Variants in KANK1 observed in about 807,000 individuals in gnomAD.
The protein encoded by KANK1 is KN motif and ankyrin repeat domains 1, also known as KN motif and ankyrin repeat domain-containing protein 1.
KANK1 carries 109 observed loss-of-function variants against 106.2 expected under a neutral mutation model. The observed-to-expected ratio is 1.03, with a 90% CI of 0.88 to 1.20. KANK1 has a LOEUF of 1.20. Among genes scored for constraint, KANK1 ranks in the 50% most tolerant of loss-of-function variants. KANK1 has a pLI of 0.00. For missense variants in KANK1, 2,399 were observed against 1,710.7 expected (o/e 1.40, Z -7.10); for synonymous variants, 873 against 652.2 (o/e 1.34, Z -5.16).
intron 9 of KANK1, among the ~76,000 whole-genome samples, 191 bp downstream of exon 9, chr9:741,125 A>C (rs949767779): frequency 6.6e-6 from 1 of 152,164 alleles, no homozygotes; most frequent in East Asian, 1.9e-4. Context: ...TATGGGCTTA[A>C]ATTTCACACT....
intron 3 of KANK1, among the ~76,000 whole-genome samples, chr9:476,199 C>T (rs995556793): frequency 4.0e-5 from 6 of 151,652 alleles, no homozygotes; most frequent in Non-Finnish European, 8.8e-5. Context: ...AATGCCTGCT[C>T]CACAGTATTA....
chr9:651,571 C>T (rs1840889300), intron 1 of KANK1, among the ~76,000 whole-genome samples: 2 of 152,184 alleles, frequency 1.3e-5, no homozygotes, highest in African/African-American at 4.8e-5. Context: ...CCACAAGTTA[C>T]CTTGGCTCCA....
At chr9:571,061 C>A (rs1819025413) in intron 1 of KANK1, among the ~76,000 whole-genome samples, 1 of 152,116 alleles carries the variant, frequency 6.6e-6, no homozygotes, top group African/African-American at 2.4e-5. Context: ...AAATTGATTT[C>A]TTGTAAAAAT....
At chr9:596,277 T>C (rs1826182554) in intron 1 of KANK1, among the ~76,000 whole-genome samples, 1 of 151,838 alleles carries the variant, frequency 6.6e-6, no homozygotes, top group Non-Finnish European at 1.5e-5. Flanking sequence ...TTAGTAAATA[T>C]TTTTTGAGTT....
At chr9:720,129 A>G (rs1828911349) in intron 3 of KANK1, among the ~76,000 whole-genome samples, 1 of 152,194 alleles carries the variant, frequency 6.6e-6, no homozygotes, top group Non-Finnish European at 1.5e-5. Flanking sequence ...AGTGATCACT[A>G]ATCTGACCAA....
chr9:647,726 C>T (rs1270904036), intron 1 of KANK1, among the ~76,000 whole-genome samples: 1 of 150,828 alleles, frequency 6.6e-6, no homozygotes, highest in African/African-American at 2.5e-5. Context: ...TACTTGTTAA[C>T]TCAGAACAAC....
intron 2 of KANK1, among the ~76,000 whole-genome samples, chr9:689,092 A>C (rs1233159136): frequency 6.6e-6 from 1 of 152,168 alleles, no homozygotes; most frequent in Non-Finnish European, 1.5e-5. Flanking sequence ...CCCCCAATTC[A>C]TTTGGTATTG....
At position 528,591 on chromosome 9, in the gene KANK1, C is replaced by G. The variant is rs543170406; in HGVS notation, c.-84+23837C>G. 3.5e-5 allele frequency among the ~76,000 whole-genome samples: 5 copies of G among 140,902 alleles called. No individual in the cohort carries two copies. The South Asian group carries it at 1.2e-3, about 34-fold the overall frequency. The allele number at this position is 140,902 out of a possible 152,430, so 92.4% of individuals were successfully genotyped here. A position where few individuals can be genotyped will look rare whatever the true frequency, so the allele number is the denominator to read the frequency against. ...CTGCCTTCTGGGTTGAAGGTTGAAG[C>G]AATTCTCCAGTCTCAGCCTCTCAAG... On this transcript the variant is annotated intron_variant, in intron 1 of 11. Transcript: ENST00000382297.
chr9:561,684 G>C (rs1816479100), intron 1 of KANK1, among the ~76,000 whole-genome samples: 1 of 152,228 alleles, frequency 6.6e-6, no homozygotes, highest in South Asian at 2.1e-4. Flanking sequence ...GTTGTCATAG[G>C]ATTTTGGCAG....
Position 744,592 on chromosome 9 carries a change from C to A in KANK1, c.3996+3C>A. The stretch of plus-strand genomic sequence containing the variant: ...ACTTTGCAAAAGCCCAGTCTCCGGT[C>A]AGTGTTGTGCATTTGGCATTTGTAA... On this transcript the variant is annotated splice_donor_region_variant and intron_variant, in intron 11 of 11. Coordinates refer to ENST00000382297, the MANE Select transcript of KANK1 (RefSeq NM_015158.5). 1 of 1,614,106 alleles carries A rather than the reference C, an allele frequency of 6.2e-7. No homozygotes were observed. The highest frequency in any genetic ancestry group is 1.1e-5 in the South Asian group (1 of 91,042).
intron 1 of KANK1, among the ~76,000 whole-genome samples, chr9:546,120 A>G (rs1337056820): frequency 6.6e-6 from 1 of 152,050 alleles, no homozygotes; most frequent in Non-Finnish European, 1.5e-5. Flanking sequence ...TGGTGAGTGG[A>G]CCGTGCATGG....
intron 1 of KANK1, among the ~76,000 whole-genome samples, chr9:661,314 C>T (rs1415480987): frequency 6.7e-6 from 1 of 150,314 alleles, no homozygotes. Context: ...GTGATGTTCA[C>T]CGCCCTGTGT....
chr9:481,740 A>G (rs2058208599), intron 3 of KANK1, among the ~76,000 whole-genome samples: 1 of 152,028 alleles, frequency 6.6e-6, no homozygotes, highest in Non-Finnish European at 1.5e-5. Context: ...TCACACCTCG[A>G]TCTCTACTCG....
chr9:489,136 T>G (rs533835895), intron 3 of KANK1: 1 of 152,338 alleles, frequency 6.6e-6, no homozygotes, highest in East Asian at 1.9e-4. Context: ...GAAAAGTACT[T>G]GGTGTGGGGA....
rs779579204 is a variant in KANK1, at chr9:711,192, T to G, written c.426T>G (p.Pro142=). ...TCCCAGAAAATCGACAGCTGCCACC[T>G]CCCTCACCACAACTCCCAAAGCATA... ...LTIPENRQLP[P]PSPQLPKHNL... Residue 142 remains proline (P), a synonymous_variant, in exon 3 of 12, where the codon CCT becomes CCG. Transcript: ENST00000382297. 6.2e-7 allele frequency: 1 copy of G among 1,613,886 alleles called. No individual in the cohort carries two copies. The highest frequency in any genetic ancestry group is 8.5e-7 in the Non-Finnish European group (1 of 1,179,976).
chr9:654,169 C>T (rs1294531129), intron 1 of KANK1, among the ~76,000 whole-genome samples: 1 of 152,196 alleles, frequency 6.6e-6, no homozygotes, highest in East Asian at 1.9e-4. Context: ...GATGACTGGA[C>T]TTACCTGAAG....
intron 2 of KANK1, among the ~76,000 whole-genome samples, chr9:683,108 G>A (rs927378580): frequency 2.1e-4 from 32 of 152,180 alleles, no homozygotes; most frequent in African/African-American, 7.7e-4. Context: ...CAGAGGCAGT[G>A]TGCGCCCGTG....
chr9:478,648 A>G (rs1587192866), intron 3 of KANK1, among the ~76,000 whole-genome samples: 1 of 152,224 alleles, frequency 6.6e-6, no homozygotes, highest in East Asian at 1.9e-4. Context: ...CAATATACCA[A>G]GAAACCATCT....
intron 3 of KANK1, among the ~76,000 whole-genome samples, chr9:728,754 C>G (rs756027580): frequency 5.3e-5 from 8 of 152,186 alleles, no homozygotes; most frequent in Non-Finnish European, 1.2e-4. Context: ...TTCACAACCC[C>G]TTATCTTAAC....
Sources: gnomAD v4.1 joint callset for allele counts (sites outside exome capture counted in the v4.1 genomes callset) on GRCh38, gnomAD v4.1.1 for gene constraint, MANE v1.5 for transcripts, NCBI Gene and HGNC (gene_info 2026-07-23, HGNC 2026-07-21) for gene names.